Variants in SREBF2 observed in about 807,000 individuals in gnomAD.
SREBF2 encodes sterol regulatory element-binding protein 2.
Under a neutral mutation model 113.1 loss-of-function variants are expected in SREBF2, and 55 were observed. The ratio of observed to expected loss-of-function variants is 0.49; its 90% CI spans 0.39 to 0.61. SREBF2 has a LOEUF of 0.61. Ranked by LOEUF, SREBF2 falls within the 20% of genes least tolerant of loss-of-function variation. The probability of loss-of-function intolerance (pLI) is 0.00; values close to 1 mark genes in which losing one functional copy is unlikely to be tolerated. For missense variants in SREBF2, 1,349 were observed against 1,487.4 expected (o/e 0.91, Z 1.53); for synonymous variants, 593 against 605.7 (o/e 0.98, Z 0.31).
intron 13 of SREBF2, among the ~76,000 whole-genome samples, chr22:41,896,282 C>T (rs2077416070): frequency 6.6e-6 from 1 of 152,200 alleles, no homozygotes; most frequent in African/African-American, 2.4e-5. Flanking sequence ...TTACTGAGCA[C>T]AGTCCTTCTT....
intron 1 of SREBF2, among the ~76,000 whole-genome samples, chr22:41,850,884 G>T (rs1602278048): frequency 6.6e-6 from 1 of 152,182 alleles, no homozygotes; most frequent in East Asian, 1.9e-4. Flanking sequence ...CGGATTACAG[G>T]TGCCCACCAC....
Position 41,837,682 on chromosome 22 carries a change from A to G in SREBF2, c.88+4324A>G, listed in dbSNP as rs528284816. On this transcript the variant is annotated intron_variant, in intron 1 of 18. Transcript: ENST00000361204. ...GAGACCAGCCTGACCAACATGGAGA[A>G]ACCCCGTCTCTACTAAAAATACAAA... Among the ~76,000 whole-genome samples the G allele has an allele frequency of 8.6e-5, 13 of 151,812 alleles. 1 individual carries two copies. The highest frequency in any genetic ancestry group is 1.3e-4 in the Admixed American group (2 of 15,238).
chr22:41,879,011 A>G (rs191784703), intron 9 of SREBF2, among the ~76,000 whole-genome samples: 163 of 152,294 alleles, frequency 1.1e-3, no homozygotes, highest in African/African-American at 3.6e-3. Context: ...AATGCATGGA[A>G]CATGGCAACA....
intron 1 of SREBF2, among the ~76,000 whole-genome samples, chr22:41,844,563 TC>T (rs1569371003): frequency 1.3e-5 from 2 of 152,098 alleles, no homozygotes; most frequent in African/African-American, 4.8e-5. Flanking sequence ...TAGAAATGAA[TC>T]CTAAACTATC....
At chr22:41,879,936 C>T (rs1466092691) in intron 9 of SREBF2, among the ~76,000 whole-genome samples, 1 of 152,182 alleles carries the variant, frequency 6.6e-6, no homozygotes, top group African/African-American at 2.4e-5. Context: ...CTTCAGCAGG[C>T]ATGAAGCCGG....
At chr22:41,862,007 G>GTCATTTATAGGTTAATCGGTA (rs2077031565) in intron 1 of SREBF2, among the ~76,000 whole-genome samples, 1 of 151,412 alleles carries the variant, frequency 6.6e-6, no homozygotes, top group African/African-American at 2.5e-5. Flanking sequence ...TGTAAACTAG[G>GTCATTTATAGGTTAATCGGTA]TTTCCCAGCC....
intron 1 of SREBF2, among the ~76,000 whole-genome samples, chr22:41,842,273 C>A (rs1334306163): frequency 6.6e-6 from 1 of 152,184 alleles, no homozygotes; most frequent in Non-Finnish European, 1.5e-5. Flanking sequence ...GTTTCTTTTA[C>A]CTGCTTCAAA....
At chr22:41,881,642 G>C (rs758812865) in intron 10 of SREBF2, among the ~76,000 whole-genome samples, 4 of 152,200 alleles carry the variant, frequency 2.6e-5, no homozygotes, top group Non-Finnish European at 5.9e-5. Flanking sequence ...CCTAGAGGGA[G>C]CCAGGGCACA....
chr22:41,857,823 T>G (rs137997266), intron 1 of SREBF2, among the ~76,000 whole-genome samples: 6 of 152,306 alleles, frequency 3.9e-5, no homozygotes, highest in East Asian at 3.9e-4. Context: ...GCGGTTTGCC[T>G]GTTAAAACCT....
At chr22:41,846,991 C>T (rs1336727521) in intron 1 of SREBF2, among the ~76,000 whole-genome samples, 1 of 152,210 alleles carries the variant, frequency 6.6e-6, no homozygotes, top group Non-Finnish European at 1.5e-5. Flanking sequence ...ATAGGATCCT[C>T]CAGCTCCCAG....
chr22:41,906,157 G>A lies in SREBF2; in HGVS notation c.*497G>A, dbSNP rs2077507062. The A allele has an allele frequency of 5.3e-6, 2 of 373,958 alleles. No individual in the cohort carries two copies. The highest frequency in any genetic ancestry group is 4.0e-5 in the South Asian group (2 of 49,740). 23.2% of individuals were successfully genotyped at this position (373,958 alleles called of 1,614,324 possible). ...TGCCATGATGCGAGGCTGAGTTGCT[G>A]TAGCGTCTTGATTCTCTCCCTGGGT... On this transcript the variant is annotated 3_prime_UTR_variant, in exon 19 of 19. Coordinates refer to ENST00000361204, the MANE Select transcript of SREBF2 (RefSeq NM_004599.4).
At chr22:41,903,417 C>T (rs1211071771) in intron 17 of SREBF2, among the ~76,000 whole-genome samples, 1 of 152,230 alleles carries the variant, frequency 6.6e-6, no homozygotes, top group Non-Finnish European at 1.5e-5. Context: ...CTGCCACAGA[C>T]AGGGGCCAGC....
chr22:41,879,633 G>GCT (rs987071813), intron 9 of SREBF2, among the ~76,000 whole-genome samples: 2 of 152,228 alleles, frequency 1.3e-5, no homozygotes, highest in Non-Finnish European at 2.9e-5. Flanking sequence ...AGAGACTGTT[G>GCT]CTGTGAGGAC....
At chr22:41,888,600 T>G (rs1017514352) in intron 11 of SREBF2, among the ~76,000 whole-genome samples, 1 of 152,178 alleles carries the variant, frequency 6.6e-6, no homozygotes, top group African/African-American at 2.4e-5. Flanking sequence ...CTTTGTAGCC[T>G]CTTCATTCTA....
intron 3 of SREBF2, among the ~76,000 whole-genome samples, chr22:41,869,049 C>G (rs144019175): frequency 1.3e-5 from 2 of 152,320 alleles, no homozygotes; most frequent in African/African-American, 4.8e-5. Flanking sequence ...AAGAAATGTG[C>G]TAAATTGGTA....
Position 41,833,509 on chromosome 22 carries a change from T to C in SREBF2, c.88+151T>C. On this transcript the variant is annotated intron_variant, in intron 1 of 18. Coordinates refer to ENST00000361204, the MANE Select transcript of SREBF2 (RefSeq NM_004599.4). This position sits in a 1 kb window ranked among gnomAD's most constrained non-coding sequence, Gnocchi z 4.1. ...CGGTGCCCCCGGCGGTCCTCAACCC[T>C]TCCGGCGCTGCGAGCGTGAGCCCGA... 1.8e-6 allele frequency: 1 copy of C among 565,530 alleles called. No individual in the cohort carries two copies. Among genetic ancestry groups the C allele is most frequent in the Non-Finnish European group, 2.9e-6 (1 of 346,686 alleles). The allele number at this position is 565,530 out of a possible 1,614,324, so 35.0% of individuals were successfully genotyped here. A position where few individuals can be genotyped will look rare whatever the true frequency, so the allele number is the denominator to read the frequency against.
rs905748513 is a variant in SREBF2, at chr22:41,833,240, G to C, written c.-31G>C. 2.7e-6 allele frequency: 4 copies of C among 1,506,252 alleles called. No homozygotes were observed. The African/African-American group carries it at 5.8e-5, about 22-fold the overall frequency. The allele number at this position is 1,506,252 out of a possible 1,614,324, so 93.3% of individuals were successfully genotyped here. ...GCCCCCGCGTCTCCCTGAGCGGGAC[G>C]GCAGGGGGGGCTTCTGCGCTGAGCC... On this transcript the variant is annotated 5_prime_UTR_variant, in exon 1 of 19. Coordinates refer to ENST00000361204, the MANE Select transcript of SREBF2 (RefSeq NM_004599.4). The surrounding 1 kb of genome is among the most constrained non-coding windows in gnomAD (Gnocchi z 4.1).
intron 10 of SREBF2, among the ~76,000 whole-genome samples, chr22:41,884,611 G>A (rs2077282057): frequency 6.6e-6 from 1 of 152,178 alleles, no homozygotes; most frequent in African/African-American, 2.4e-5. Flanking sequence ...ACAGCTCTGG[G>A]TGTGACAGAA....
At chr22:41,875,855 G>T (rs1602316118) in intron 7 of SREBF2, 131 bp downstream of exon 7, 2 of 1,088,784 alleles carry the variant, frequency 1.8e-6, no homozygotes, top group East Asian at 4.8e-5. Context: ...CAGGAATTCT[G>T]TGAAATTAGC....
Sources: gnomAD v4.1 joint callset for allele counts (sites outside exome capture counted in the v4.1 genomes callset) on GRCh38, gnomAD v4.1.1 for gene constraint, Gnocchi (gnomAD v3.1) non-coding constraint, MANE v1.5 for transcripts, NCBI Gene and HGNC (gene_info 2026-07-23, HGNC 2026-07-21) for gene names.